The following COL4A3 variants were observed in gnomAD, a reference collection of about 807,000 sequenced individuals.
The protein encoded by COL4A3 is collagen alpha-3(IV) chain.
COL4A3 carries 135 observed loss-of-function variants against 217.4 expected under a neutral mutation model. The observed-to-expected ratio is 0.62, with a 90% confidence interval of 0.54 to 0.72. The LOEUF is 0.72. Ranked by LOEUF, COL4A3 falls within the 30% of genes least tolerant of loss-of-function variation. COL4A3 has a pLI of 0.00. For synonymous variants in COL4A3, 690 were observed against 736.3 expected (o/e 0.94, Z 1.02); for missense variants, 1,868 against 2,119.9 (o/e 0.88, Z 2.33).
intron 1 of COL4A3, among the ~76,000 whole-genome samples, chr2:227,224,583 T>C (rs2125834299): frequency 6.6e-6 from 1 of 152,254 alleles, no homozygotes; most frequent in East Asian, 1.9e-4. Context: ...AAACCCTGTC[T>C]CTACTAAAAA....
intron 1 of COL4A3, among the ~76,000 whole-genome samples, chr2:227,184,792 A>AAAGAC (rs2065964634): frequency 6.8e-6 from 1 of 147,570 alleles, no homozygotes; most frequent in African/African-American, 2.5e-5. Context: ...AAATATATAG[A>AAAGAC]AAGACTCATC....
chr2:227,273,690 C>T (rs1574755937), intron 26 of COL4A3, among the ~76,000 whole-genome samples: 3 of 152,178 alleles, frequency 2.0e-5, no homozygotes, highest in Admixed American at 2.0e-4. Flanking sequence ...GGATTACAGG[C>T]GTGAGCCACT....
At chr2:227,283,274 C>G (rs553727689) in intron 32 of COL4A3, among the ~76,000 whole-genome samples, 1 of 152,318 alleles carries the variant, frequency 6.6e-6, no homozygotes, top group South Asian at 2.1e-4. Flanking sequence ...TGGAAAAGAG[C>G]CTAAAACAAC....
chr2:227,274,528 T>C lies in COL4A3; in HGVS notation c.1927+1411T>C, dbSNP rs560026139. On this transcript the variant is annotated intron_variant, in intron 26 of 51. Transcript: ENST00000396578. ...TTTTTTTTTTGTCTGAGATGGAATC[T>C]TGCTCTGTCGCCCAGGCTGGAGAGC... Among the ~76,000 whole-genome samples the C allele has an allele frequency of 1.3e-4, 20 of 151,766 alleles. No individual in the cohort carries two copies. In the East Asian group the frequency reaches 3.9e-3, roughly 29 times the overall value.
intron 1 of COL4A3, among the ~76,000 whole-genome samples, chr2:227,184,439 C>T (rs936472015): frequency 5.3e-5 from 8 of 152,188 alleles, no homozygotes; most frequent in African/African-American, 1.7e-4. Flanking sequence ...ATCAGTCCTT[C>T]TTGGGTGACC....
intron 20 of COL4A3, among the ~76,000 whole-genome samples, chr2:227,261,770 G>C (rs2070583900): frequency 6.6e-6 from 1 of 152,174 alleles, no homozygotes; most frequent in African/African-American, 2.4e-5. Context: ...GAGGTTGCTT[G>C]AAAATGACAG....
chr2:227,311,908 A>G lies in COL4A3; in HGVS notation c.*38A>G. The G allele has an allele frequency of 6.2e-7, 1 of 1,612,190 alleles. No homozygotes were observed. Among genetic ancestry groups the G allele is most frequent in the Non-Finnish European group, 8.5e-7 (1 of 1,178,910 alleles). On this transcript the variant is annotated 3_prime_UTR_variant, in exon 52 of 52. Coordinates refer to ENST00000396578, the MANE Select transcript of COL4A3 (RefSeq NM_000091.5). ...CAGCAGAACTGCTATTTTTCATCCT[A>G]AAGAACAAAGTAATGACAGAACATG...
chr2:227,249,211 A>AGT lies in COL4A3; in HGVS notation c.546+692_546+693dup, dbSNP rs1228473985. Reference sequence around the variant, plus strand: ...TAATTATATATAACCAAAATTAGCTAGTATATATATATATATATATTTTTT... The same window carrying AGT: ...TAATTATATATAACCAAAATTAGCTAGTGTATATATATATATATATATTTTTT... On this transcript the variant is annotated intron_variant, in intron 9 of 51. Coordinates refer to ENST00000396578, the MANE Select transcript of COL4A3 (RefSeq NM_000091.5). 1.9e-3 allele frequency among the ~76,000 whole-genome samples: 79 copies of AGT among 41,596 alleles called. 1 individual carries two copies. The highest frequency in any genetic ancestry group is 4.9e-3 in the East Asian group (4 of 810). The allele number at this position is 41,596 out of a possible 152,430, so 27.3% of individuals were successfully genotyped here. A position where few individuals can be genotyped will look rare whatever the true frequency, so the allele number is the denominator to read the frequency against.
At chr2:227,210,538 C>G (rs13398818) in intron 1 of COL4A3, among the ~76,000 whole-genome samples, 11,557 of 152,074 alleles carry the variant, frequency 0.076, 668 homozygotes, top group Admixed American at 0.13. Context: ...TGCAGAGAGC[C>G]GAGACCGAAC....
chr2:227,195,292 A>T (rs944507591), intron 1 of COL4A3, among the ~76,000 whole-genome samples: 17 of 152,232 alleles, frequency 1.1e-4, no homozygotes, highest in Admixed American at 1.1e-3. Flanking sequence ...CTGAAAAAAA[A>T]ATCTTGAAAG....
chr2:227,235,381 C>A (rs2068634592), intron 1 of COL4A3, among the ~76,000 whole-genome samples: 1 of 152,126 alleles, frequency 6.6e-6, no homozygotes, highest in South Asian at 2.1e-4. Context: ...ATGAGTTAGT[C>A]TTCTAGAAAT....
rs1417118315 is a variant in COL4A3, at chr2:227,314,252, C to T, written c.*2382C>T. On this transcript the variant is annotated 3_prime_UTR_variant, in exon 52 of 52. Transcript: ENST00000396578. ...ACCAGTATTTAACTTCTGAGGAAGA[C>T]AAGTGATGCTAAAACCTGAAATTCC... 2.0e-5 allele frequency: 3 copies of T among 152,608 alleles called. No individual in the cohort carries two copies. The highest frequency in any genetic ancestry group is 4.4e-5 in the Non-Finnish European group (3 of 68,054). The allele number at this position is 152,608 out of a possible 1,614,324, so 9.5% of individuals were successfully genotyped here. A position where few individuals can be genotyped will look rare whatever the true frequency, so the allele number is the denominator to read the frequency against.
intron 1 of COL4A3, among the ~76,000 whole-genome samples, chr2:227,192,977 A>C (rs372577058): frequency 6.6e-6 from 1 of 152,222 alleles, no homozygotes; most frequent in Non-Finnish European, 1.5e-5. Context: ...AAATCACTCT[A>C]TCAAATCACT....
intron 9 of COL4A3, among the ~76,000 whole-genome samples, chr2:227,248,836 AT>A (rs2069522019): frequency 6.6e-6 from 1 of 152,090 alleles, no homozygotes; most frequent in South Asian, 2.1e-4. Context: ...CTTAATTTGT[AT>A]TTGTTGAAAA....
intron 19 of COL4A3, among the ~76,000 whole-genome samples, 197 bp from the exon 20 acceptor site, chr2:227,260,885 G>A (rs2070514338): frequency 1.3e-5 from 2 of 152,172 alleles, no homozygotes; most frequent in Admixed American, 1.3e-4. Flanking sequence ...ATTTACTTTT[G>A]AGTGTTAGAC....
In COL4A3 at chr2:227,267,075, A is replaced by C. The variant is rs1045149231; in HGVS notation, c.1491A>C (p.Val497=). 1.5e-5 allele frequency: 25 copies of C among 1,612,920 alleles called. 1 individual carries two copies. The highest frequency in any genetic ancestry group is 2.1e-5 in the Non-Finnish European group (25 of 1,179,050). The part of the protein sequence containing the change: ...GLPGLPGLHG[V]KGIPGRQGAA... ...CAGGATTGCCAGGGTTACATGGTGT[A>C]AAAGGAATCCCAGGTACAAACAATT... The change falls in exon 23 of 52, where the codon GTA becomes GTC. Residue 497 remains valine (V), a synonymous_variant. Transcript: ENST00000396578.
rs1478754792 is a variant in COL4A3, at chr2:227,164,895, A to G, written c.87+82A>G. The G allele has an allele frequency of 2.9e-6, 4 of 1,382,958 alleles. No individual in the cohort carries two copies. Among genetic ancestry groups the G allele is most frequent in the Admixed American group, 3.3e-5 (1 of 30,530 alleles). The allele number at this position is 1,382,958 out of a possible 1,614,324, so 85.7% of individuals were successfully genotyped here. A position where few individuals can be genotyped will look rare whatever the true frequency, so the allele number is the denominator to read the frequency against. On this transcript the variant is annotated intron_variant, in intron 1 of 51. Coordinates refer to ENST00000396578, the MANE Select transcript of COL4A3 (RefSeq NM_000091.5). This position sits in a 1 kb window ranked among gnomAD's most constrained non-coding sequence, Gnocchi z 4.8. ...CGGGGGACGCGCTGGCCCCACCCGC[A>G]GCGGCGCGGTAGTGGAGCGGCTGCC...
intron 1 of COL4A3, among the ~76,000 whole-genome samples, chr2:227,206,699 A>G (rs2067114020): frequency 1.3e-5 from 2 of 152,058 alleles, no homozygotes; most frequent in South Asian, 2.1e-4. Flanking sequence ...TCTTAAAAAG[A>G]CTCACAGGTG....
chr2:227,283,499 G>A (rs1331886313), intron 32 of COL4A3, among the ~76,000 whole-genome samples: 2 of 152,220 alleles, frequency 1.3e-5, no homozygotes, highest in Non-Finnish European at 2.9e-5. Flanking sequence ...CTGGTCAGGG[G>A]CTGGGAGGAT....
Sources: gnomAD v4.1 joint callset for allele counts (sites outside exome capture counted in the v4.1 genomes callset) on GRCh38, gnomAD v4.1.1 for gene constraint, Gnocchi (gnomAD v3.1) non-coding constraint, MANE v1.5 for transcripts, NCBI Gene and HGNC (gene_info 2026-07-23, HGNC 2026-07-21) for gene names.